Variants in OR9Q1 observed in about 807,000 individuals in gnomAD.
OR9Q1 encodes olfactory receptor 9Q1.
For missense variants in OR9Q1, 374 were observed against 378.8 expected (o/e 0.99, Z 0.11); for synonymous variants, 153 against 148.6 (o/e 1.03, Z -0.22).
chr11:58,064,015 TG>T (rs1853405331), intron 2 of OR9Q1, among the ~76,000 whole-genome samples: 1 of 152,190 alleles, frequency 6.6e-6, no homozygotes, highest in Admixed American at 6.5e-5. Flanking sequence ...AGATCATGGT[TG>T]GTTGGCGAGT....
At chr11:58,064,533 A>G (rs961389163) in intron 2 of OR9Q1, among the ~76,000 whole-genome samples, 3 of 152,046 alleles carry the variant, frequency 2.0e-5, no homozygotes, top group African/African-American at 7.2e-5. Context: ...CGCCCAGGAG[A>G]TGTTGCTGGG....
chr11:58,043,578 C>T (rs547517581), intron 1 of OR9Q1, among the ~76,000 whole-genome samples: 2 of 152,128 alleles, frequency 1.3e-5, no homozygotes, highest in Admixed American at 1.3e-4. Context: ...ATGCTGAAAC[C>T]ACTCTCAGCT....
intron 2 of OR9Q1, chr11:58,171,553 A>G (rs1203634625): frequency 6.6e-6 from 1 of 152,216 alleles, no homozygotes; most frequent in East Asian, 1.9e-4. Flanking sequence ...TGTTGAGACT[A>G]CAGCTTTGAT....
At chr11:58,038,030 C>A (rs201911362) in intron 1 of OR9Q1, among the ~76,000 whole-genome samples, 1 of 151,070 alleles carries the variant, frequency 6.6e-6, no homozygotes, top group East Asian at 1.9e-4. Flanking sequence ...CGCGCCCGGC[C>A]AGAATAACTA....
chr11:58,081,793 CTTT>C (rs201892501), intron 2 of OR9Q1, among the ~76,000 whole-genome samples: 105 of 128,140 alleles, frequency 8.2e-4, no homozygotes, highest in Middle Eastern at 4.5e-3. Context: ...ATGATAGTTT[CTTT>C]TTTTTTTTTT....
At chr11:58,137,075 C>A (rs1854196325) in intron 2 of OR9Q1, among the ~76,000 whole-genome samples, 1 of 152,180 alleles carries the variant, frequency 6.6e-6, no homozygotes, top group Admixed American at 6.5e-5. Context: ...GCAGAGAGGG[C>A]TGATGATTCC....
intron 2 of OR9Q1, among the ~76,000 whole-genome samples, chr11:58,137,453 G>A (rs965233614): frequency 1.3e-5 from 2 of 152,202 alleles, no homozygotes; most frequent in African/African-American, 4.8e-5. Context: ...ATGCTACAAA[G>A]AGGAGAACAG....
intron 2 of OR9Q1, among the ~76,000 whole-genome samples, chr11:58,114,040 G>A (rs1853927325): frequency 1.3e-5 from 2 of 152,108 alleles, no homozygotes; most frequent in Admixed American, 1.3e-4. Flanking sequence ...CACAAAAAAT[G>A]CAATCACCAA....
chr11:58,059,759 C>A (rs1199346329), intron 2 of OR9Q1, among the ~76,000 whole-genome samples: 2 of 137,854 alleles, frequency 1.5e-5, no homozygotes, highest in African/African-American at 2.6e-5. Context: ...AAATAAAAAT[C>A]TCTATTATTT....
chr11:58,112,920 C>T (rs1451326), intron 2 of OR9Q1, among the ~76,000 whole-genome samples: 58,213 of 151,858 alleles, frequency 0.38, 12,226 homozygotes, highest in East Asian at 0.64. Context: ...TCACTATGCT[C>T]CTCTCAACAC....
intron 2 of OR9Q1, among the ~76,000 whole-genome samples, chr11:58,097,252 G>C (rs147245634): frequency 6.6e-6 from 1 of 152,254 alleles, no homozygotes; most frequent in African/African-American, 2.4e-5. Context: ...ATACACATTT[G>C]GGTTGTCTTC....
At chr11:58,092,612 T>G (rs1170728327) in intron 2 of OR9Q1, among the ~76,000 whole-genome samples, 1 of 152,184 alleles carries the variant, frequency 6.6e-6, no homozygotes, top group Non-Finnish European at 1.5e-5. Context: ...ATTATGCATT[T>G]TCAGAATTAC....
intron 2 of OR9Q1, among the ~76,000 whole-genome samples, chr11:58,123,470 G>A (rs1317418781): frequency 6.6e-6 from 1 of 152,178 alleles, no homozygotes; most frequent in African/African-American, 2.4e-5. Context: ...TTAGGTGGCA[G>A]ATTGTTGGGG....
Position 58,179,704 on chromosome 11 carries a change from A to G in OR9Q1, c.260A>G (p.Glu87Gly), listed in dbSNP as rs2119976877. ...TVPQMLAVLLEHGAALSYTRC... is the reference protein window; with the variant it reads ...TVPQMLAVLLGHGAALSYTRC... ...CCCCAGATGCTGGCAGTGCTGCTGG[A>G]GCATGGGGCAGCTTTATCTTACACA... The change falls in exon 3 of 3, where the codon GAG (glutamate) becomes GGG (glycine). Residue 87 changes from glutamate (E) to glycine (G), a missense_variant. Glu to Gly is a moderately conservative substitution (Grantham distance 98, BLOSUM62 -2). Transcript: ENST00000335397. 1 of 1,614,136 alleles carries G rather than the reference A, an allele frequency of 6.2e-7. No individual in the cohort carries two copies. The highest frequency in any genetic ancestry group is 1.3e-5 in the African/African-American group (1 of 75,042).
rs1232679301 is a variant in OR9Q1, at chr11:58,037,690, T to TATATATATATATAG, written c.-93+13586_-93+13587insATATATATATATAG. Among the ~76,000 whole-genome samples the TATATATATATATAG allele has an allele frequency of 8.5e-3, 79 of 9,336 alleles. 4 individuals carry two copies. The highest frequency in any genetic ancestry group is 9.7e-3 in the Non-Finnish European group (62 of 6,368). 6.1% of individuals were successfully genotyped at this position (9,336 alleles called of 152,430 possible). ...ATATATATATATATATATATATATA[T>TATATATATATATAG]TTTTTTTTTTTTTTTTTTTTTTTTT... On this transcript the variant is annotated intron_variant, in intron 1 of 2. Coordinates refer to ENST00000335397, the MANE Select transcript of OR9Q1 (RefSeq NM_001005212.4).
At chr11:58,118,980 T>C in intron 2 of OR9Q1, 1 of 1,613,918 alleles carries the variant, frequency 6.2e-7, no homozygotes. Flanking sequence ...GCAGGATGGC[T>C]CCTGACACCC....
At chr11:58,069,418 G>A (rs1853465042) in intron 2 of OR9Q1, among the ~76,000 whole-genome samples, 1 of 152,120 alleles carries the variant, frequency 6.6e-6, no homozygotes, top group South Asian at 2.1e-4. Flanking sequence ...CACCTGAGGA[G>A]GCTGGTTCTG....
In OR9Q1 at chr11:58,074,764, A is replaced by G. The variant is rs112922989; in HGVS notation, c.-15+18817A>G. On this transcript the variant is annotated intron_variant, in intron 2 of 2. Coordinates refer to ENST00000335397, the MANE Select transcript of OR9Q1 (RefSeq NM_001005212.4). ...GGTTTTGCATTGAAGTCTTTAATCC[A>G]TCTTAGTTAATTTTTGTATAAGGTG... Among the ~76,000 whole-genome samples the G allele has an allele frequency of 8.5e-3, 1,292 of 152,290 alleles. 22 individuals carry two copies. Among genetic ancestry groups the G allele is most frequent in the African/African-American group, 0.03 (1,241 of 41,566 alleles).
intron 2 of OR9Q1, chr11:58,109,027 A>G: frequency 2.2e-6 from 1 of 452,380 alleles, no homozygotes; most frequent in Non-Finnish European, 4.5e-6. Flanking sequence ...CAGGATAACC[A>G]TGACATTGGC....
Sources: allele counts gnomAD v4.1 joint callset (sites outside exome capture counted in the v4.1 genomes callset), GRCh38; gene constraint gnomAD v4.1.1; transcripts MANE v1.5; gene names NCBI Gene and HGNC (gene_info 2026-07-23, HGNC 2026-07-21).